NSUN7: variants seen among roughly 807,000 people sequenced by gnomAD.
NSUN7 encodes protein NSUN7.
NSUN7 carries 39 observed loss-of-function variants against 58.5 expected under a neutral mutation model. The ratio of observed to expected loss-of-function variants is 0.67; its 90% CI spans 0.52 to 0.87. The LOEUF (loss-of-function observed/expected upper bound fraction) is 0.87, where lower values mean the gene tolerates loss of function less well. Among genes scored for constraint, NSUN7 ranks in the 40% least tolerant of loss-of-function variants. The pLI is 0.00. For missense variants in NSUN7, 765 were observed against 844.1 expected (o/e 0.91, Z 1.16); for synonymous variants, 278 against 303.7 (o/e 0.92, Z 0.88).
intron 4 of NSUN7, among the ~76,000 whole-genome samples, chr4:40,770,998 C>T (rs1351288574): frequency 6.6e-6 from 1 of 152,154 alleles, no homozygotes; most frequent in Non-Finnish European, 1.5e-5. Context: ...TTGCAGTAAG[C>T]CGAGATTGCA....
intron 10 of NSUN7, among the ~76,000 whole-genome samples, chr4:40,803,683 C>A (rs1477001123): frequency 2.6e-5 from 4 of 152,118 alleles, no homozygotes; most frequent in Non-Finnish European, 5.9e-5. Context: ...CAATTCAGTG[C>A]CTTAAAATAT....
intron 8 of NSUN7, 77 bp from the exon 9 acceptor site, chr4:40,794,298 A>T (rs1743225121): frequency 3.0e-6 from 2 of 669,450 alleles, no homozygotes; most frequent in Non-Finnish European, 4.9e-6. Context: ...AAATGATTGA[A>T]AAATTATATG....
intron 7 of NSUN7, among the ~76,000 whole-genome samples, chr4:40,778,751 C>A (rs1299597999): frequency 6.6e-6 from 1 of 152,062 alleles, no homozygotes; most frequent in Non-Finnish European, 1.5e-5. Context: ...CTGCTGAAAA[C>A]CAAAGAGAAA....
chr4:40,750,583 A>G lies in NSUN7; in HGVS notation c.-91-20A>G, dbSNP rs1159342118. ...GCTGCAGAAAGAGTGATTTACTGCA[A>G]TCACCTTCTCTCTTCACAGAGACCA... On this transcript the variant is annotated intron_variant, in intron 1 of 11. Coordinates refer to ENST00000381782, the MANE Select transcript of NSUN7 (RefSeq NM_024677.6). 3.0e-6 allele frequency: 4 copies of G among 1,317,228 alleles called. No homozygotes were observed. The highest frequency in any genetic ancestry group is 2.3e-5 in the East Asian group (1 of 43,016). 81.6% of individuals were successfully genotyped at this position (1,317,228 alleles called of 1,614,324 possible). A position where few individuals can be genotyped will look rare whatever the true frequency, so the allele number is the denominator to read the frequency against.
intron 7 of NSUN7, among the ~76,000 whole-genome samples, chr4:40,782,020 C>T (rs1232753915): frequency 6.6e-6 from 1 of 151,942 alleles, no homozygotes; most frequent in Non-Finnish European, 1.5e-5. Context: ...GTAAAATTGT[C>T]CAGAACAAGC....
In NSUN7 at chr4:40,775,051, G is replaced by C; in HGVS notation, c.825+101G>C. 2 of 544,116 alleles carry C rather than the reference G, an allele frequency of 3.7e-6. No individual in the cohort carries two copies. Among genetic ancestry groups the C allele is most frequent in the Non-Finnish European group, 6.4e-6 (2 of 314,108 alleles). 33.7% of individuals were successfully genotyped at this position (544,116 alleles called of 1,614,324 possible). A position where few individuals can be genotyped will look rare whatever the true frequency, so the allele number is the denominator to read the frequency against. On this transcript the variant is annotated intron_variant, in intron 6 of 11. Transcript: ENST00000381782. This position sits in a 1 kb window ranked among gnomAD's most constrained non-coding sequence, Gnocchi z 4.3. ...ACCTAACACTGTTTATATTTTTATA[G>C]ATTATCAGGGAGGTTTATAAGGCCT...
intron 8 of NSUN7, among the ~76,000 whole-genome samples, chr4:40,792,731 G>A (rs12330943): frequency 0.52 from 78,738 of 151,478 alleles, 21,102 homozygotes; most frequent in African/African-American, 0.63. Flanking sequence ...CAGCCTGGGC[G>A]ACAGCAAGAC....
chr4:40,776,718 A>G (rs1346325468), intron 7 of NSUN7, among the ~76,000 whole-genome samples: 2 of 151,836 alleles, frequency 1.3e-5, no homozygotes, highest in African/African-American at 4.8e-5. Context: ...TGGGCTCAAG[A>G]GGTCCTCCAA....
In NSUN7 at chr4:40,808,824, C is replaced by T; in HGVS notation, c.2042C>T (p.Ala681Val). The T allele has an allele frequency of 6.5e-7, 1 of 1,549,680 alleles. No homozygotes were observed. Among genetic ancestry groups the T allele is most frequent in the South Asian group, 1.2e-5 (1 of 83,934 alleles). ...CAACATTTGTACTGTCGTTGGGTTG[C>T]ACCCAAGGCACTTGTGCCCACCTGC... ...PTQHLYCRWV[A>V]PKALVPTCLP... The change falls in exon 12 of 12, where the codon GCA (alanine) becomes GTA (valine). Residue 681 changes from alanine (A) to valine (V), a missense_variant. Ala to Val is a moderately conservative substitution (Grantham distance 64). Transcript: ENST00000381782.
intron 10 of NSUN7, among the ~76,000 whole-genome samples, chr4:40,803,960 G>A (rs1038567260): frequency 1.5e-4 from 23 of 152,184 alleles, no homozygotes; most frequent in Admixed American, 2.6e-4. Flanking sequence ...TACTCAGGAG[G>A]TCAAGGCTGT....
chr4:40,762,275 C>A (rs1741496292), intron 4 of NSUN7, among the ~76,000 whole-genome samples: 1 of 152,102 alleles, frequency 6.6e-6, no homozygotes, highest in Non-Finnish European at 1.5e-5. Context: ...ACTGTTGATT[C>A]CAGCTTTTAG....
At chr4:40,756,891 A>G (rs915566092) in intron 2 of NSUN7, among the ~76,000 whole-genome samples, 1 of 152,172 alleles carries the variant, frequency 6.6e-6, no homozygotes, top group Non-Finnish European at 1.5e-5. Flanking sequence ...GTACCCATAC[A>G]ACCATTCTGT....
chr4:40,787,968 G>A lies in NSUN7; in HGVS notation c.1037-2634G>A, dbSNP rs58628918. Reference sequence around the variant, plus strand: ...TCCTGCCTCACCCTCCTGAGTAGCTGGGATTACAGAGGCAGGCCATGACGC... The same window carrying A: ...TCCTGCCTCACCCTCCTGAGTAGCTAGGATTACAGAGGCAGGCCATGACGC... On this transcript the variant is annotated intron_variant, in intron 7 of 11. Coordinates refer to ENST00000381782, the MANE Select transcript of NSUN7 (RefSeq NM_024677.6). 1.3e-3 allele frequency among the ~76,000 whole-genome samples: 202 copies of A among 152,254 alleles called. 2 individuals carry two copies. In the East Asian group the frequency reaches 0.018, roughly 14 times the overall value.
At chr4:40,768,211 T>G (rs938371918) in intron 4 of NSUN7, among the ~76,000 whole-genome samples, 12 of 151,502 alleles carry the variant, frequency 7.9e-5, no homozygotes, top group Non-Finnish European at 1.6e-4. Context: ...TTTCTTTTTT[T>G]TTTTTTTTGA....
chr4:40,757,189 A>T (rs993451916), intron 2 of NSUN7, among the ~76,000 whole-genome samples: 1 of 152,172 alleles, frequency 6.6e-6, no homozygotes, highest in Non-Finnish European at 1.5e-5. Context: ...AGATTGCACC[A>T]CTGCACTCCA....
In NSUN7 at chr4:40,807,220, G is replaced by T. The variant is rs1002577288; in HGVS notation, c.1524+36G>T. The stretch of plus-strand genomic sequence containing the variant: ...AAAATCCTAATCCATGTCATACTTT[G>T]GAATTAATAAACTACAAAGCCTCAT... On this transcript the variant is annotated intron_variant, in intron 11 of 11. Transcript: ENST00000381782. The T allele has an allele frequency of 9.2e-6, 14 of 1,525,924 alleles. No individual in the cohort carries two copies. In the African/African-American group the frequency reaches 1.4e-4, roughly 15 times the overall value. The allele number at this position is 1,525,924 out of a possible 1,614,324, so 94.5% of individuals were successfully genotyped here.
chr4:40,772,024 T>A (rs951705890), intron 4 of NSUN7, among the ~76,000 whole-genome samples: 1 of 152,034 alleles, frequency 6.6e-6, no homozygotes, highest in Non-Finnish European at 1.5e-5. Context: ...TAAGAACATA[T>A]GGATTTGATC....
At chr4:40,760,066 A>C (rs1348873423) in intron 2 of NSUN7, among the ~76,000 whole-genome samples, 4 of 152,186 alleles carry the variant, frequency 2.6e-5, no homozygotes, top group African/African-American at 9.7e-5. Context: ...AAAAATTAGC[A>C]AATCAAATCC....
intron 2 of NSUN7, among the ~76,000 whole-genome samples, chr4:40,757,632 T>C (rs545916052): frequency 1.4e-5 from 2 of 144,768 alleles, no homozygotes; most frequent in South Asian, 2.1e-4. Context: ...TATATATACA[T>C]TGTGTGTATA....
Sources: gnomAD v4.1 joint callset for allele counts (sites outside exome capture counted in the v4.1 genomes callset) on GRCh38, gnomAD v4.1.1 for gene constraint, Gnocchi (gnomAD v3.1) non-coding constraint, MANE v1.5 for transcripts, NCBI Gene and HGNC (gene_info 2026-07-23, HGNC 2026-07-21) for gene names.